PPARGC1A: variants seen among roughly 807,000 people sequenced by gnomAD.
PPARGC1A encodes the protein peroxisome proliferator-activated receptor gamma coactivator 1-alpha.
PPARGC1A carries 25 observed loss-of-function variants against 88.7 expected under a neutral mutation model. The ratio of observed to expected loss-of-function variants is 0.28; its 90% CI spans 0.21 to 0.39. The LOEUF is 0.39. PPARGC1A is among the 10% of genes least tolerant of loss of function. PPARGC1A has a pLI of 1.00. For synonymous variants in PPARGC1A, 363 were observed against 355.6 expected (o/e 1.02, Z -0.24); for missense variants, 880 against 968.7 (o/e 0.91, Z 1.22).
intron 10 of PPARGC1A, among the ~76,000 whole-genome samples, chr4:23,803,590 T>C (rs1379403442): frequency 1.3e-5 from 2 of 152,214 alleles, no homozygotes; most frequent in Admixed American, 1.3e-4. Flanking sequence ...AGCAATCCTA[T>C]ACCTCTTGTT....
At chr4:24,279,449 A>G in the PPARGC1A span, among the ~76,000 whole-genome samples, 13 of 152,232 alleles carry the variant, frequency 8.5e-5, no homozygotes, top group Admixed American at 2.0e-4. Context: ...GTTCAGGATG[A>G]TAGAGAAAGA....
chr4:24,142,156 A>T, the PPARGC1A span, among the ~76,000 whole-genome samples: 2 of 152,198 alleles, frequency 1.3e-5, no homozygotes, highest in Non-Finnish European at 2.9e-5. Flanking sequence ...CCTTCCACAA[A>T]CATTTATTGA....
chr4:23,917,548 C>T, the PPARGC1A span, among the ~76,000 whole-genome samples: 1 of 150,900 alleles, frequency 6.6e-6, no homozygotes. Flanking sequence ...TGGTCTTGAT[C>T]TCCTGACCTC....
the PPARGC1A span, among the ~76,000 whole-genome samples, chr4:23,968,182 T>C: frequency 6.6e-6 from 1 of 152,210 alleles, no homozygotes; most frequent in East Asian, 1.9e-4. Context: ...TGACTTAAAC[T>C]TTCTAAGCCT....
chr4:24,316,380 T>G, the PPARGC1A span, among the ~76,000 whole-genome samples: 1 of 152,236 alleles, frequency 6.6e-6, no homozygotes, highest in Non-Finnish European at 1.5e-5. Flanking sequence ...TAGCACAATG[T>G]CCAAATGCTT....
chr4:24,190,564 T>C, the PPARGC1A span, among the ~76,000 whole-genome samples: 6 of 152,214 alleles, frequency 3.9e-5, 1 homozygote, highest in Admixed American at 3.9e-4. Flanking sequence ...ATCTCTATTA[T>C]TTCCTGAATC....
intron 5 of PPARGC1A, among the ~76,000 whole-genome samples, 161 bp downstream of exon 5, chr4:23,828,239 G>A (rs3774907): frequency 0.81 from 122,548 of 152,108 alleles, 49,535 homozygotes; most frequent in African/African-American, 0.85. Context: ...CTGTGTCCAA[G>A]GAAAGGTTTC....
chr4:24,302,393 G>A, the PPARGC1A span, among the ~76,000 whole-genome samples: 263 of 152,204 alleles, frequency 1.7e-3, 1 homozygote, highest in African/African-American at 6.0e-3. Flanking sequence ...TTCTCCCTTC[G>A]CAGGCTGTGG....
intron 2 of PPARGC1A, among the ~76,000 whole-genome samples, chr4:23,875,136 C>A (rs536935186): frequency 2.9e-4 from 44 of 152,250 alleles, no homozygotes; most frequent in South Asian, 2.1e-3. Flanking sequence ...AAGTTAGTAT[C>A]CCTCAATAGG....
the PPARGC1A span, among the ~76,000 whole-genome samples, chr4:24,271,525 C>T: frequency 2.0e-5 from 3 of 152,062 alleles, no homozygotes; most frequent in Non-Finnish European, 2.9e-5. Context: ...CTACAGGCGC[C>T]GGCCACCACC....
the PPARGC1A span, among the ~76,000 whole-genome samples, chr4:24,419,326 C>G: frequency 6.7e-6 from 1 of 148,310 alleles, no homozygotes; most frequent in Non-Finnish European, 1.5e-5. Flanking sequence ...CACTCCCTGA[C>G]CAACACAATT....
the PPARGC1A span, among the ~76,000 whole-genome samples, chr4:24,198,995 G>C: frequency 2.6e-5 from 4 of 152,166 alleles, no homozygotes; most frequent in African/African-American, 9.7e-5. Context: ...ACATAAGGCA[G>C]GACAGATCAG....
the PPARGC1A span, among the ~76,000 whole-genome samples, chr4:24,284,625 C>T: frequency 6.6e-6 from 1 of 152,240 alleles, no homozygotes; most frequent in Non-Finnish European, 1.5e-5. Flanking sequence ...GCTTCACAGA[C>T]TTGGGGACAG....
At chr4:24,126,769 C>G in the PPARGC1A span, among the ~76,000 whole-genome samples, 8 of 152,208 alleles carry the variant, frequency 5.3e-5, no homozygotes, top group African/African-American at 7.2e-5. Flanking sequence ...TAGCCATTAC[C>G]TGTAACTTTC....
chr4:23,904,950 C>T (rs1719864332), upstream of PPARGC1A, among the ~76,000 whole-genome samples: 1 of 152,170 alleles, frequency 6.6e-6, no homozygotes, highest in Admixed American at 6.5e-5. Flanking sequence ...CTTAGAAACA[C>T]AAATCTTGTT....
the PPARGC1A span, among the ~76,000 whole-genome samples, chr4:24,238,745 A>G: frequency 0.15 from 18,785 of 121,970 alleles, 1,680 homozygotes; most frequent in Middle Eastern, 0.21. Flanking sequence ...AAGGTTGTAT[A>G]TGTGTGTGTG....
At chr4:24,300,305 TA>T in the PPARGC1A span, among the ~76,000 whole-genome samples, 2 of 143,602 alleles carry the variant, frequency 1.4e-5, no homozygotes, top group Admixed American at 7.2e-5. Flanking sequence ...TAAGCAATGG[TA>T]TTTTTCTATA....
At chr4:24,423,842 A>G in the PPARGC1A span, among the ~76,000 whole-genome samples, 2 of 152,224 alleles carry the variant, frequency 1.3e-5, no homozygotes, top group Non-Finnish European at 2.9e-5. Context: ...AACGCTGCCT[A>G]CAAGTCAGGC....
the PPARGC1A span, among the ~76,000 whole-genome samples, chr4:24,169,122 T>G: frequency 1.3e-5 from 2 of 152,146 alleles, no homozygotes; most frequent in African/African-American, 4.8e-5. Context: ...AAATGGCACT[T>G]TACTTTTGTG....
Sources: allele counts gnomAD v4.1 joint callset (sites outside exome capture counted in the v4.1 genomes callset), GRCh38; gene constraint gnomAD v4.1.1; transcripts MANE v1.5; gene names NCBI Gene and HGNC (gene_info 2026-07-23, HGNC 2026-07-21).